Variants in ABITRAM observed in about 807,000 individuals in gnomAD.
ABITRAM encodes actin binding transcription modulator.
ABITRAM carries 19 observed loss-of-function variants against 22.9 expected under a neutral mutation model. The observed-to-expected ratio is 0.83, with a 90% confidence interval of 0.58 to 1.22. The LOEUF is 1.22. ABITRAM is among the 50% of genes most tolerant of loss of function. ABITRAM has a pLI of 0.00. For synonymous variants in ABITRAM, 70 were observed against 73.9 expected (o/e 0.95, Z 0.27); for missense variants, 215 against 220.2 (o/e 0.98, Z 0.15).
Position 108,940,819 on chromosome 9 carries a change from CT to C in ABITRAM, c.*1134del, listed in dbSNP as rs1830246325. ...TAAAGTAAAAAAAAACCTCCAACAA[CT>C]GTGAATTTATAGTTTAAGAGTGATT... is the stretch of plus-strand genomic sequence containing the variant. On this transcript the variant is annotated 3_prime_UTR_variant, in exon 6 of 6. Transcript: ENST00000322940. The C allele has an allele frequency of 6.6e-6, 1 of 152,018 alleles. No individual in the cohort carries two copies. The highest frequency in any genetic ancestry group is 1.5e-5 in the Non-Finnish European group (1 of 67,986). 9.4% of individuals were successfully genotyped at this position (152,018 alleles called of 1,614,324 possible).
chr9:108,946,458 T>C lies in ABITRAM; in HGVS notation c.262-4049T>C, dbSNP rs187205149. On this transcript the variant is annotated intron_variant, in intron 3 of 3. Coordinates refer to the ABITRAM transcript ENST00000374624. ...CGGGGCTTTGCACTTGTTTTGGCTA[T>C]CTAAAATCCTCTACCCACATTTATC... is the stretch of plus-strand genomic sequence containing the variant. 4.1e-4 allele frequency among the ~76,000 whole-genome samples: 62 copies of C among 152,260 alleles called. No individual in the cohort carries two copies. In the East Asian group the frequency reaches 0.011, roughly 27 times the overall value.
In ABITRAM at chr9:108,940,030, A is replaced by C. The variant is rs1232504431; in HGVS notation, c.*344A>C. 4.8e-6 allele frequency: 1 copy of C among 208,114 alleles called. No homozygotes were observed. Among genetic ancestry groups the C allele is most frequent in the Non-Finnish European group, 9.6e-6 (1 of 104,472 alleles). 12.9% of individuals were successfully genotyped at this position (208,114 alleles called of 1,614,324 possible). A position where few individuals can be genotyped will look rare whatever the true frequency, so the allele number is the denominator to read the frequency against. ...GAGTTTTAAGTAGCCAAGTAAAAAT[A>C]ATTTACCCATCATCCCATAATCCAG... On this transcript the variant is annotated 3_prime_UTR_variant, in exon 6 of 6. Coordinates refer to ENST00000322940, the MANE Select transcript of ABITRAM (RefSeq NM_017832.4).
downstream of ABITRAM, among the ~76,000 whole-genome samples, chr9:108,945,776 G>GT (rs1308145130): frequency 4.6e-5 from 7 of 151,998 alleles, no homozygotes; most frequent in African/African-American, 1.7e-4. Context: ...TGCCCAGACT[G>GT]TTTTTACTGT....
At chr9:108,944,778 T>A (rs1255271080), downstream of ABITRAM, among the ~76,000 whole-genome samples, 4 of 152,116 alleles carry the variant, frequency 2.6e-5, no homozygotes, top group African/African-American at 7.2e-5. Context: ...AAATAATAGG[T>A]CTTCATAATA....
chr9:108,935,643 A>C lies in ABITRAM; in HGVS notation c.85A>C (p.Lys29Gln), dbSNP rs1830171931. The change falls in exon 2 of 6, where the codon AAA (lysine) becomes CAA (glutamine). Residue 29 changes from lysine to glutamine, a missense_variant. Transcript: ENST00000322940. ...AGACTCATGTATTCTTCTAGATGTC[A>C]AAGGAAAATTTTGTGAGGACCACTG... The part of the protein sequence containing the change: ...YFTRWYKPDV[K>Q]GKFCEDHCIL... The C allele has an allele frequency of 6.2e-7, 1 of 1,612,730 alleles. No homozygotes were observed. Among genetic ancestry groups the C allele is most frequent in the Non-Finnish European group, 8.5e-7 (1 of 1,178,922 alleles).
intron 5 of ABITRAM, 47 bp from the exon 6 acceptor site, chr9:108,939,502 G>GT (rs556422185): frequency 1.7e-4 from 265 of 1,584,442 alleles, no homozygotes; most frequent in African/African-American, 7.2e-4. Flanking sequence ...CCTTTTATTG[G>GT]TTTTTTTTTC....
At chr9:108,938,695 G>GA (rs920781803) in intron 3 of ABITRAM, among the ~76,000 whole-genome samples, 14 of 145,886 alleles carry the variant, frequency 9.6e-5, no homozygotes, top group African/African-American at 1.7e-4. Context: ...TACAAAGGGG[G>GA]GGGGGGGAAA....
chr9:108,949,560 T>A (rs1419469368), intron 3 of ABITRAM, among the ~76,000 whole-genome samples: 1 of 152,046 alleles, frequency 6.6e-6, no homozygotes, highest in African/African-American at 2.4e-5. Flanking sequence ...ATACAAAAAT[T>A]AGGCCAGGTG....
chr9:108,942,843 AG>A, downstream of ABITRAM: 1 of 1,613,634 alleles, frequency 6.2e-7, no homozygotes, highest in Non-Finnish European at 8.5e-7. Context: ...AGCTGGAAAG[AG>A]TTAAGACAAT....
Position 108,939,691 on chromosome 9 carries a change from T to C in ABITRAM, c.*5T>C, listed in dbSNP as rs780512756. 11 of 1,612,944 alleles carry C rather than the reference T, an allele frequency of 6.8e-6. No individual in the cohort carries two copies. Among genetic ancestry groups the C allele is most frequent in the Non-Finnish European group, 9.3e-6 (11 of 1,179,614 alleles). ...GCCACAACAGCTACGTCATGAGGAT[T>C]GACATGGAACAAAAAGCAAAGTGGG... On this transcript the variant is annotated 3_prime_UTR_variant, in exon 6 of 6. Transcript: ENST00000322940.
chr9:108,939,523 A>G, intron 5 of ABITRAM, 26 bp from the exon 6 acceptor site: 1 of 1,608,764 alleles, frequency 6.2e-7, no homozygotes, highest in Non-Finnish European at 8.5e-7. Context: ...ATCGTTTGAC[A>G]GTACTAAATG....
chr9:108,943,862 A>G (rs777140399), downstream of ABITRAM: 5 of 1,605,134 alleles, frequency 3.1e-6, no homozygotes, highest in African/African-American at 5.4e-5. Flanking sequence ...ACAAAACTCC[A>G]TCTTTAATAC....
intron 3 of ABITRAM, among the ~76,000 whole-genome samples, chr9:108,948,467 A>C (rs1322825649): frequency 6.6e-6 from 1 of 152,210 alleles, no homozygotes; most frequent in Non-Finnish European, 1.5e-5. Flanking sequence ...TAATATAAAA[A>C]ATTTTAAACA....
intron 3 of ABITRAM, among the ~76,000 whole-genome samples, chr9:108,946,448 GT>G (rs1830407103): frequency 6.6e-6 from 1 of 151,946 alleles, no homozygotes; most frequent in African/African-American, 2.4e-5. Context: ...CTTTGCACTT[GT>G]TTTGGCTATC....
At chr9:108,942,999 C>T (rs781263115), downstream of ABITRAM, 2 of 1,613,028 alleles carry the variant, frequency 1.2e-6, no homozygotes, top group South Asian at 2.2e-5. Context: ...AGAAGTTGGA[C>T]TAAGAGAGCC....
intron 3 of ABITRAM, among the ~76,000 whole-genome samples, chr9:108,946,388 T>C (rs1324478735): frequency 1.3e-5 from 2 of 151,814 alleles, no homozygotes; most frequent in Non-Finnish European, 2.9e-5. Flanking sequence ...CCATCAATAA[T>C]TGCCTCCTTA....
chr9:108,941,617 C>T (rs1830256752), downstream of ABITRAM, among the ~76,000 whole-genome samples: 1 of 152,144 alleles, frequency 6.6e-6, no homozygotes, highest in Non-Finnish European at 1.5e-5. Context: ...TAGCTGTGGT[C>T]AATTGGCATT....
At chr9:108,935,508 G>A in intron 1 of ABITRAM, 130 bp from the exon 2 acceptor site, 1 of 701,236 alleles carries the variant, frequency 1.4e-6, no homozygotes, top group South Asian at 1.8e-5. Context: ...AGTAATGAAG[G>A]GATACCCGTG....
At chr9:108,943,873 C>G (rs1294398093), downstream of ABITRAM, 7 of 1,601,994 alleles carry the variant, frequency 4.4e-6, no homozygotes, top group Middle Eastern at 3.3e-4. Flanking sequence ...TCTTTAATAC[C>G]TTAAACACAT....
Sources: gnomAD v4.1 joint callset for allele counts (sites outside exome capture counted in the v4.1 genomes callset) on GRCh38, gnomAD v4.1.1 for gene constraint, MANE v1.5 for transcripts, NCBI Gene and HGNC (gene_info 2026-07-23, HGNC 2026-07-21) for gene names.